The following SLC6A5 variants were observed in gnomAD, a reference collection of about 807,000 sequenced individuals.
SLC6A5 encodes sodium- and chloride-dependent glycine transporter 2.
SLC6A5 carries 58 observed loss-of-function variants against 90.5 expected under a neutral mutation model. The ratio of observed to expected loss-of-function variants is 0.64; its 90% CI spans 0.52 to 0.80. The LOEUF is 0.80. SLC6A5 is among the 30% of genes least tolerant of loss of function. The probability of loss-of-function intolerance (pLI) is 0.00; values close to 1 mark genes in which losing one functional copy is unlikely to be tolerated. For synonymous variants in SLC6A5, 427 were observed against 401.4 expected, an observed-to-expected ratio of 1.06 and a Z score of -0.76; for missense variants, 1,015 against 1,017.6, an observed-to-expected ratio of 1.00 and a Z score of 0.03.
rs945467495 is a variant in SLC6A5 at position 20,656,447 on chromosome 11, ATTG to A, written c.*1584_*1586del. The A allele has an allele frequency of 2.6e-5, 4 of 152,160 alleles. No homozygotes were observed. The highest frequency in any genetic ancestry group is 9.7e-5 in the African/African-American group (4 of 41,440). The allele number at this position is 152,160 out of a possible 1,614,324, so 9.4% of individuals were successfully genotyped here. On this transcript the variant is annotated 3_prime_UTR_variant, in exon 16 of 16. Transcript: ENST00000525748. ...AAGTTTTTCAGTTCAAATCTTGTAT[ATTG>A]TTGTGACATTTTCATCCTGTTTAAC...
intron 11 of SLC6A5, 59 bp from the exon 12 acceptor site, chr11:20,637,113 G>C: frequency 6.4e-7 from 1 of 1,570,116 alleles, no homozygotes; most frequent in Non-Finnish European, 8.8e-7. Context: ...AAAGGGCTTG[G>C]GGGTACCTCC....
At chr11:20,604,496 C>A in intron 3 of SLC6A5, 72 bp downstream of exon 3, 1 of 1,574,000 alleles carries the variant, frequency 6.4e-7, no homozygotes, top group Non-Finnish European at 8.6e-7. Flanking sequence ...GGACAGGAGC[C>A]CTCAGGCAGG....
At chr11:20,607,214 A>C in intron 4 of SLC6A5, 76 bp downstream of exon 4, 1 of 1,535,196 alleles carries the variant, frequency 6.5e-7, no homozygotes. Flanking sequence ...AGCCCCAGGG[A>C]GGGAGACCTG....
chr11:20,617,310 C>T (rs1022919485), intron 6 of SLC6A5, among the ~76,000 whole-genome samples: 1 of 152,226 alleles, frequency 6.6e-6, no homozygotes, highest in Non-Finnish European at 1.5e-5. Flanking sequence ...GCAGTTTCCA[C>T]TATGTACTAA....
intron 13 of SLC6A5, among the ~76,000 whole-genome samples, chr11:20,642,270 T>G (rs1350644994): frequency 1.3e-5 from 2 of 150,494 alleles, no homozygotes; most frequent in South Asian, 2.1e-4. Context: ...ATGAACAATA[T>G]CCAGACCAAG....
At chr11:20,628,997 A>G (rs1021807951) in intron 9 of SLC6A5, among the ~76,000 whole-genome samples, 5 of 152,194 alleles carry the variant, frequency 3.3e-5, no homozygotes, top group Non-Finnish European at 7.3e-5. Flanking sequence ...GCAACAGCCT[A>G]TGACAGATAG....
intron 7 of SLC6A5, among the ~76,000 whole-genome samples, chr11:20,625,151 A>G (rs991489879): frequency 1.3e-5 from 2 of 152,114 alleles, no homozygotes; most frequent in African/African-American, 4.8e-5. Flanking sequence ...TCCTGGTCCC[A>G]AGCCCTACCT....
At chr11:20,616,707 C>A (rs1451720207) in intron 6 of SLC6A5, among the ~76,000 whole-genome samples, 20 of 152,286 alleles carry the variant, frequency 1.3e-4, no homozygotes, top group Non-Finnish European at 1.5e-5. Flanking sequence ...CCAGGTTGTG[C>A]CAGGGTTTGG....
chr11:20,647,486 T>C (rs941054822), intron 14 of SLC6A5, among the ~76,000 whole-genome samples: 3 of 145,734 alleles, frequency 2.1e-5, no homozygotes, highest in Non-Finnish European at 4.5e-5. Context: ...AGTTCCTATA[T>C]ATATATATAA....
chr11:20,650,645 G>A (rs1448865857), intron 14 of SLC6A5, among the ~76,000 whole-genome samples: 1 of 145,048 alleles, frequency 6.9e-6, no homozygotes, highest in Non-Finnish European at 1.5e-5. Context: ...ACTTGGTGAT[G>A]ACGCCTGTTC....
intron 14 of SLC6A5, among the ~76,000 whole-genome samples, chr11:20,650,050 C>G (rs530957846): frequency 2.0e-5 from 3 of 152,334 alleles, no homozygotes; most frequent in South Asian, 4.1e-4. Context: ...TTACATCCAT[C>G]TAGCACTTCA....
intron 8 of SLC6A5, among the ~76,000 whole-genome samples, chr11:20,627,382 G>A (rs1853017694): frequency 6.6e-6 from 1 of 152,110 alleles, no homozygotes; most frequent in Non-Finnish European, 1.5e-5. Flanking sequence ...TTGTTGAAGG[G>A]GAACTGAATT....
chr11:20,645,825 C>T (rs958851979), intron 13 of SLC6A5, among the ~76,000 whole-genome samples: 17 of 151,916 alleles, frequency 1.1e-4, no homozygotes, highest in African/African-American at 3.4e-4. Flanking sequence ...TTAGTAGGGA[C>T]GGGGTTTCAC....
Position 20,601,655 on chromosome 11 carries a change from T to C in SLC6A5, c.530T>C (p.Val177Ala). Residue 177 changes from valine to alanine, a missense_variant, in exon 2 of 16, where the codon GTT (valine) becomes GCT (alanine). Around this residue, in one of 3 missense-constraint regions of SLC6A5, gnomAD observed 567 missense variants for 507.3 expected, o/e 1.12. Transcript: ENST00000525748. The part of the protein sequence containing the change: ...TSVLPGSVAT[V>A]ATQEDEQGDE... ...GTGCTCCCGGGCAGCGTGGCCACCG[T>C]TGCCACCCAGGTAAGCAGGTTGCAT... 2 of 1,613,678 alleles carry C rather than the reference T, an allele frequency of 1.2e-6. No homozygotes were observed. Among genetic ancestry groups the C allele is most frequent in the Non-Finnish European group, 1.7e-6 (2 of 1,179,902 alleles).
intron 1 of SLC6A5, among the ~76,000 whole-genome samples, chr11:20,600,311 ATAGT>A (rs1287157221): frequency 6.7e-6 from 1 of 150,036 alleles, no homozygotes; most frequent in Non-Finnish European, 1.5e-5. Context: ...ACTCCTGTGA[ATAGT>A]TACGCAAAAA....
chr11:20,624,775 C>T (rs1852959906), intron 7 of SLC6A5, among the ~76,000 whole-genome samples: 1 of 152,194 alleles, frequency 6.6e-6, no homozygotes, highest in South Asian at 2.1e-4. Flanking sequence ...TCTTTTAATG[C>T]ACTTTTAATG....
intron 1 of SLC6A5, among the ~76,000 whole-genome samples, chr11:20,600,049 G>A: frequency 6.6e-6 from 1 of 152,090 alleles, no homozygotes; most frequent in East Asian, 1.9e-4. Flanking sequence ...GTTCTATTCT[G>A]CGTGTTTGTG....
chr11:20,601,047 G>A lies in SLC6A5; in HGVS notation c.4-82G>A, dbSNP rs543987526. The A allele has an allele frequency of 9.2e-6, 13 of 1,411,718 alleles. No individual in the cohort carries two copies. In the African/African-American group the frequency reaches 1.5e-4, roughly 16 times the overall value. The allele number at this position is 1,411,718 out of a possible 1,614,324, so 87.4% of individuals were successfully genotyped here. On this transcript the variant is annotated intron_variant, in intron 1 of 15. Transcript: ENST00000525748. ...CAGATATTGTGTCTGGACCTGAGTTGCGAACGTCTCCATATCTAGATACAG... is the reference window on the plus strand; with the variant it reads ...CAGATATTGTGTCTGGACCTGAGTTACGAACGTCTCCATATCTAGATACAG...
chr11:20,633,056 G>A (rs759775206), intron 10 of SLC6A5, among the ~76,000 whole-genome samples: 3 of 152,062 alleles, frequency 2.0e-5, no homozygotes, highest in South Asian at 2.1e-4. Context: ...GCATGTTCTC[G>A]GGGAACTACT....
Sources: allele counts gnomAD v4.1 joint callset (sites outside exome capture counted in the v4.1 genomes callset), GRCh38; gene constraint gnomAD v4.1.1; regional missense constraint gnomAD v4.1.1; transcripts MANE v1.5; gene names NCBI Gene and HGNC (gene_info 2026-07-23, HGNC 2026-07-21).